Variants in RNF180 observed in about 807,000 individuals in gnomAD.
The protein encoded by RNF180 is ring finger protein 180, also known as E3 ubiquitin-protein ligase RNF180.
In RNF180, 38 loss-of-function variants were observed where a neutral mutation model predicts 59.2. The observed-to-expected ratio is 0.64, with a 90% confidence interval of 0.50 to 0.84. The LOEUF (loss-of-function observed/expected upper bound fraction) is 0.84, where lower values mean the gene tolerates loss of function less well. RNF180 is among the 40% of genes least tolerant of loss of function. The probability of loss-of-function intolerance (pLI) is 0.00; values close to 1 mark genes in which losing one functional copy is unlikely to be tolerated. For missense variants in RNF180, 705 were observed against 700.9 expected (o/e 1.01, Z -0.07); for synonymous variants, 262 against 240.3 (o/e 1.09, Z -0.84).
chr5:64,307,753 A>G (rs749702862), intron 5 of RNF180, among the ~76,000 whole-genome samples: 4 of 151,776 alleles, frequency 2.6e-5, no homozygotes, highest in South Asian at 2.1e-4. Context: ...AGTGTTGACA[A>G]TTTTCACGTA....
chr5:64,366,828 A>G (rs1302286325), intron 7 of RNF180, among the ~76,000 whole-genome samples: 3 of 151,650 alleles, frequency 2.0e-5, no homozygotes, highest in African/African-American at 7.2e-5. Context: ...GAAATAATAG[A>G]TGAGAACTTT....
intron 2 of RNF180, among the ~76,000 whole-genome samples, chr5:64,203,138 G>C (rs1433630896): frequency 6.6e-6 from 1 of 152,154 alleles, no homozygotes; most frequent in Non-Finnish European, 1.5e-5. Context: ...ATGGATAGTG[G>C]AAGAGTGATA....
At chr5:64,329,328 C>A (rs575396146) in intron 6 of RNF180, among the ~76,000 whole-genome samples, 1 of 152,282 alleles carries the variant, frequency 6.6e-6, no homozygotes, top group Non-Finnish European at 1.5e-5. Context: ...AGTCCTCAAC[C>A]TTTTTAGCAT....
intron 7 of RNF180, among the ~76,000 whole-genome samples, chr5:64,351,643 C>A (rs1263094462): frequency 6.6e-6 from 1 of 151,332 alleles, no homozygotes; most frequent in African/African-American, 2.4e-5. Context: ...AAGGCCTTTT[C>A]TGCATCTATT....
intron 5 of RNF180, among the ~76,000 whole-genome samples, chr5:64,305,342 G>C (rs536735747): frequency 1.3e-5 from 2 of 151,304 alleles, no homozygotes; most frequent in African/African-American, 2.4e-5. Flanking sequence ...CTTTAACTCT[G>C]GGGGTCCTAT....
At chr5:64,262,341 T>C (rs1744393557) in intron 5 of RNF180, among the ~76,000 whole-genome samples, 1 of 152,162 alleles carries the variant, frequency 6.6e-6, no homozygotes, top group African/African-American at 2.4e-5. Flanking sequence ...CATCAATTAA[T>C]GCATCTGTGT....
chr5:64,177,572 T>C (rs920686047), intron 1 of RNF180, among the ~76,000 whole-genome samples: 2 of 146,756 alleles, frequency 1.4e-5, no homozygotes, highest in Admixed American at 1.4e-4. Flanking sequence ...TATATGTATT[T>C]ATTTCTTTCC....
intron 5 of RNF180, among the ~76,000 whole-genome samples, chr5:64,230,389 G>C (rs1742027334): frequency 6.6e-6 from 1 of 152,218 alleles, no homozygotes; most frequent in African/African-American, 2.4e-5. Context: ...CTCCAGGGGA[G>C]AGTCTGTTTT....
intron 5 of RNF180, among the ~76,000 whole-genome samples, chr5:64,300,334 C>G (rs1281624202): frequency 2.0e-5 from 3 of 151,808 alleles, no homozygotes; most frequent in Non-Finnish European, 4.4e-5. Flanking sequence ...CTTCCACAGA[C>G]AGTTCCTGAC....
At chr5:64,345,211 G>A (rs1561273521) in intron 7 of RNF180, among the ~76,000 whole-genome samples, 1 of 152,070 alleles carries the variant, frequency 6.6e-6, no homozygotes, top group Non-Finnish European at 1.5e-5. Flanking sequence ...TTTGAAATCG[G>A]GGATCCCATA....
At chr5:64,191,234 G>A (rs1322381732) in intron 1 of RNF180, among the ~76,000 whole-genome samples, 1 of 152,134 alleles carries the variant, frequency 6.6e-6, no homozygotes, top group Admixed American at 6.5e-5. Context: ...CTCTTACCAT[G>A]CAGTTTCTCC....
At chr5:64,350,791 A>G (rs181545556) in intron 7 of RNF180, among the ~76,000 whole-genome samples, 131 of 152,282 alleles carry the variant, frequency 8.6e-4, no homozygotes, top group Non-Finnish European at 1.3e-3. Flanking sequence ...TACCAGTACC[A>G]TGCGGTTTTG....
At chr5:64,340,965 C>G (rs1745333816) in intron 7 of RNF180, among the ~76,000 whole-genome samples, 1 of 152,200 alleles carries the variant, frequency 6.6e-6, no homozygotes, top group African/African-American at 2.4e-5. Flanking sequence ...CTACTCTTTC[C>G]CTCTGACTCT....
chr5:64,362,350 G>A (rs949256646), intron 7 of RNF180, among the ~76,000 whole-genome samples: 5 of 151,718 alleles, frequency 3.3e-5, no homozygotes, highest in African/African-American at 9.7e-5. Context: ...TTGGTTTTCT[G>A]TTTCTACATT....
At position 64,191,867 on chromosome 5, in the gene RNF180, C is replaced by G. The variant is rs149189540; in HGVS notation, c.1-8941C>G. 5.3e-5 allele frequency among the ~76,000 whole-genome samples: 8 copies of G among 152,196 alleles called. 1 individual carries two copies. The highest frequency in any genetic ancestry group is 9.6e-5 in the African/African-American group (4 of 41,526). On this transcript the variant is annotated intron_variant, in intron 1 of 7. Transcript: ENST00000389100. ...TGTGTCAAATTCAAGAAATGCTTTC[C>G]AAGACTAATGCCAAAAAACTTTCTC...
At chr5:64,239,274 T>G (rs1468897124) in intron 5 of RNF180, among the ~76,000 whole-genome samples, 1 of 152,134 alleles carries the variant, frequency 6.6e-6, no homozygotes, top group Non-Finnish European at 1.5e-5. Flanking sequence ...ACGTACCTAC[T>G]GAATTATAAT....
At chr5:64,295,110 C>T (rs920950726) in intron 5 of RNF180, among the ~76,000 whole-genome samples, 2 of 151,968 alleles carry the variant, frequency 1.3e-5, no homozygotes, top group Non-Finnish European at 2.9e-5. Flanking sequence ...AAGTTTTTTC[C>T]TGGTTATTGC....
intron 5 of RNF180, among the ~76,000 whole-genome samples, chr5:64,227,415 T>C (rs1387357490): frequency 6.6e-6 from 1 of 152,154 alleles, no homozygotes; most frequent in Non-Finnish European, 1.5e-5. Context: ...CAGCCACACA[T>C]GTCCTGGTCC....
chr5:64,369,902 T>G lies in RNF180; in HGVS notation c.*88T>G. The stretch of plus-strand genomic sequence containing the variant: ...TTTTTAAATGTGCTTTGAAGTTTTT[T>G]TAATGTTGCATTATACAAATTGTTG... On this transcript the variant is annotated 3_prime_UTR_variant, in exon 8 of 8. Transcript: ENST00000389100. The G allele has an allele frequency of 2.8e-6, 2 of 710,496 alleles. No homozygotes were observed. Among genetic ancestry groups the G allele is most frequent in the Non-Finnish European group, 4.4e-6 (2 of 456,938 alleles). The allele number at this position is 710,496 out of a possible 1,614,324, so 44.0% of individuals were successfully genotyped here.
Sources: gnomAD v4.1 joint callset for allele counts (sites outside exome capture counted in the v4.1 genomes callset) on GRCh38, gnomAD v4.1.1 for gene constraint, MANE v1.5 for transcripts, NCBI Gene and HGNC (gene_info 2026-07-23, HGNC 2026-07-21) for gene names.